PLCB4: variants seen among roughly 807,000 people sequenced by gnomAD.
The protein encoded by PLCB4 is phospholipase C beta 4, also known as 1-phosphatidylinositol 4,5-bisphosphate phosphodiesterase beta-4.
In PLCB4, 77 loss-of-function variants were observed where a neutral mutation model predicts 178.8. That is an observed-to-expected ratio of 0.43 (90% CI 0.36 to 0.52). The LOEUF (loss-of-function observed/expected upper bound fraction) is 0.52, where lower values mean the gene tolerates loss of function less well. PLCB4 is among the 20% of genes least tolerant of loss of function. The pLI is 0.00. For missense variants in PLCB4, 1,024 were observed against 1,453.4 expected (o/e 0.70, Z 4.80); for synonymous variants, 496 against 490.8 (o/e 1.01, Z -0.14).
At chr20:9,095,407 A>G (rs2090867675) in intron 1 of PLCB4, among the ~76,000 whole-genome samples, 1 of 152,206 alleles carries the variant, frequency 6.6e-6, no homozygotes, top group South Asian at 2.1e-4. Context: ...AAGTTAAATT[A>G]CAGACGGAAC....
At chr20:9,391,353 A>G (rs1411391675) in intron 17 of PLCB4, among the ~76,000 whole-genome samples, 1 of 152,192 alleles carries the variant, frequency 6.6e-6, no homozygotes, top group South Asian at 2.1e-4. Flanking sequence ...TAAGATCCAC[A>G]ATCACAAGAT....
intron 2 of PLCB4, among the ~76,000 whole-genome samples, chr20:9,205,304 G>A (rs952307455): frequency 5.3e-5 from 8 of 152,172 alleles, no homozygotes; most frequent in Non-Finnish European, 1.2e-4. Context: ...CACATTTAAG[G>A]TAGGCTGGGC....
chr20:9,277,091 C>T lies in PLCB4; in HGVS notation c.-15-30709C>T, dbSNP rs2094456789. Among the ~76,000 whole-genome samples the T allele has an allele frequency of 2.0e-5, 3 of 152,188 alleles. No individual in the cohort carries two copies. In the South Asian group the frequency reaches 6.2e-4, roughly 32 times the overall value. On this transcript the variant is annotated intron_variant, in intron 3 of 39. Transcript: ENST00000378473. The stretch of plus-strand genomic sequence containing the variant: ...ACCAGGTTCCTGGAAGCCAGCTTCT[C>T]CACCTACTGCCGCTATGTGACTGTC...
intron 13 of PLCB4, among the ~76,000 whole-genome samples, chr20:9,381,427 C>T (rs184981185): frequency 6.6e-6 from 1 of 152,304 alleles, no homozygotes; most frequent in Admixed American, 6.5e-5. Context: ...GTGCCAAGCA[C>T]TGTGCCAGAT....
chr20:9,235,643 C>T (rs1031732390), intron 3 of PLCB4, among the ~76,000 whole-genome samples: 1 of 152,150 alleles, frequency 6.6e-6, no homozygotes, highest in African/African-American at 2.4e-5. Flanking sequence ...TGGCAGAATT[C>T]TCAGATGTAG....
At chr20:9,192,528 C>CTT (rs57026127) in intron 2 of PLCB4, among the ~76,000 whole-genome samples, 57 of 135,356 alleles carry the variant, frequency 4.2e-4, no homozygotes, top group African/African-American at 1.0e-3. Context: ...ATTTTTTTTT[C>CTT]TTTTTTTTTT....
chr20:9,175,360 C>A (rs567275603), intron 2 of PLCB4, among the ~76,000 whole-genome samples: 114 of 152,298 alleles, frequency 7.5e-4, no homozygotes, highest in African/African-American at 2.7e-3. Flanking sequence ...CCAGGGATGT[C>A]ATTTCCAATA....
intron 3 of PLCB4, among the ~76,000 whole-genome samples, chr20:9,236,957 C>T (rs1402888941): frequency 2.0e-5 from 3 of 152,122 alleles, no homozygotes; most frequent in Non-Finnish European, 4.4e-5. Context: ...CATCATGACA[C>T]CTATGTGATA....
intron 3 of PLCB4, among the ~76,000 whole-genome samples, chr20:9,234,359 A>G (rs2093969332): frequency 6.6e-6 from 1 of 152,148 alleles, no homozygotes; most frequent in African/African-American, 2.4e-5. Context: ...ATTAATGGAA[A>G]TAGAGACAGC....
At chr20:9,220,767 T>G (rs1332656408) in intron 3 of PLCB4, among the ~76,000 whole-genome samples, 1 of 152,244 alleles carries the variant, frequency 6.6e-6, no homozygotes, top group African/African-American at 2.4e-5. Context: ...CTGTCTTCTC[T>G]TACACCTTGG....
At chr20:9,356,374 G>A (rs1200086187) in intron 7 of PLCB4, among the ~76,000 whole-genome samples, 2 of 152,176 alleles carry the variant, frequency 1.3e-5, no homozygotes, top group Non-Finnish European at 1.5e-5. Flanking sequence ...TTTATCTACA[G>A]TCCCTATTTA....
intron 3 of PLCB4, among the ~76,000 whole-genome samples, chr20:9,245,607 C>T (rs544907366): frequency 2.6e-5 from 4 of 152,252 alleles, no homozygotes; most frequent in Admixed American, 2.0e-4. Context: ...GGAATGCTTC[C>T]ACCAGCAGAA....
At chr20:9,162,894 C>G (rs6086796) in intron 2 of PLCB4, among the ~76,000 whole-genome samples, 28,627 of 152,076 alleles carry the variant, frequency 0.19, 2,729 homozygotes, top group African/African-American at 0.23. Context: ...AATGTACAGA[C>G]CTTTCCGGGG....
chr20:9,127,618 T>TA (rs754674026), intron 2 of PLCB4, among the ~76,000 whole-genome samples: 263 of 150,086 alleles, frequency 1.8e-3, no homozygotes, highest in Non-Finnish European at 3.2e-3. Context: ...ATTTAACTTT[T>TA]AAAAAAAACG....
Position 9,393,672 on chromosome 20 carries a change from GA to G in PLCB4, c.1414del (p.Lys472AsnfsTer6). On this transcript the variant is annotated frameshift_variant, in exon 18 of 40. Transcript: ENST00000378473. LOFTEE classifies it high-confidence loss of function. ...AAACAAGCGGCTGAAACCTGAAGTT[GA>G]AAAAAGTAAGTGAAACACACACATT... Reference protein sequence around the residue: ...IKNKRLKPEVEKKQLEALRSM... With the variant: ...IKNKRLKPEVXKKQLEALRSM... 2 of 1,599,700 alleles carry G rather than the reference GA, an allele frequency of 1.3e-6. No individual in the cohort carries two copies. The highest frequency in any genetic ancestry group is 1.7e-6 in the Non-Finnish European group (2 of 1,167,204).
intron 2 of PLCB4, among the ~76,000 whole-genome samples, chr20:9,166,114 C>A (rs1440914449): frequency 1.3e-5 from 2 of 152,108 alleles, no homozygotes; most frequent in Admixed American, 1.3e-4. Flanking sequence ...TATATTATAA[C>A]CAAGTTACTA....
intron 21 of PLCB4, 113 bp downstream of exon 21, chr20:9,405,461 A>C (rs2039367968): frequency 1.6e-6 from 1 of 639,034 alleles, no homozygotes; most frequent in Admixed American, 3.3e-5. Flanking sequence ...TAAAAATCAC[A>C]AAACTAGGGC....
intron 2 of PLCB4, among the ~76,000 whole-genome samples, chr20:9,178,624 A>T (rs2093193793): frequency 6.6e-6 from 1 of 151,596 alleles, no homozygotes; most frequent in African/African-American, 2.4e-5. Flanking sequence ...ATTAATATTT[A>T]TGATATTTAT....
intron 24 of PLCB4, 52 bp downstream of exon 24, chr20:9,409,233 A>T (rs753170621): frequency 6.6e-7 from 1 of 1,504,404 alleles, no homozygotes. Context: ...CTTTGACAGG[A>T]TGGTGCCAGC....
Sources: gnomAD v4.1 joint callset for allele counts (sites outside exome capture counted in the v4.1 genomes callset) on GRCh38, gnomAD v4.1.1 for gene constraint, MANE v1.5 for transcripts, NCBI Gene and HGNC (gene_info 2026-07-23, HGNC 2026-07-21) for gene names.